COL11A1: variants seen among roughly 807,000 people sequenced by gnomAD.
COL11A1 encodes collagen type XI alpha 1 chain, also known as collagen alpha-1(XI) chain.
In COL11A1, 74 loss-of-function variants were observed where a neutral mutation model predicts 265.2. The observed-to-expected ratio is 0.28, with a 90% CI of 0.23 to 0.34. COL11A1 has a LOEUF of 0.34. COL11A1 is among the 10% of genes least tolerant of loss of function. COL11A1 has a pLI of 1.00. For synonymous variants in COL11A1, 816 were observed against 727.6 expected, an observed-to-expected ratio of 1.12 and a Z score of -1.96; for missense variants, 2,165 against 2,263.6, an observed-to-expected ratio of 0.96 and a Z score of 0.88.
intron 4 of COL11A1, among the ~76,000 whole-genome samples, chr1:103,036,905 G>T (rs2102024978): frequency 6.6e-6 from 1 of 152,094 alleles, no homozygotes; most frequent in Admixed American, 6.6e-5. Flanking sequence ...TATAGTGTTT[G>T]CCTATAGACA....
rs1558024610 is a variant in COL11A1, at chr1:103,071,837, C to CAAT, written c.651+2780_651+2781insATT. ...ACACATTAATGGATAATTAAGTTAA[C>CAAT]ATACAACCACATTTATATTACATAT... On this transcript the variant is annotated intron_variant, in intron 4 of 66. Transcript: ENST00000370096. 2.8e-5 allele frequency among the ~76,000 whole-genome samples: 4 copies of CAAT among 140,904 alleles called. No individual in the cohort carries two copies. In the East Asian group the frequency reaches 6.3e-4, roughly 22 times the overall value. 92.4% of individuals were successfully genotyped at this position (140,904 alleles called of 152,430 possible).
chr1:103,027,396 A>AAAATATATATATATAT (rs1421941501), intron 5 of COL11A1, among the ~76,000 whole-genome samples: 6 of 92,072 alleles, frequency 6.5e-5, no homozygotes, highest in South Asian at 3.8e-4. Context: ...TTAAAACTCT[A>AAAATATATATATATAT]ATATATATAT....
Position 103,000,886 on chromosome 1 carries a change from A to G in COL11A1, c.2142+1039T>C, listed in dbSNP as rs563666563. The G allele has an allele frequency of 2.1e-5, 7 of 330,336 alleles. No individual in the cohort carries two copies. In the South Asian group the frequency reaches 9.3e-4, roughly 44 times the overall value. The allele number at this position is 330,336 out of a possible 1,614,324, so 20.5% of individuals were successfully genotyped here. ...CAACTGCCAAGTAAAAGTAAACAGA[A>G]CCTGGTATACCCAATCAATGGAATA... On this transcript the variant is annotated intron_variant, in intron 24 of 66. Coordinates refer to ENST00000370096, the MANE Select transcript of COL11A1 (RefSeq NM_001854.4).
chr1:102,897,231 T>G (rs896852409), intron 57 of COL11A1, among the ~76,000 whole-genome samples: 2 of 152,070 alleles, frequency 1.3e-5, no homozygotes, highest in African/African-American at 4.8e-5. Context: ...CCAGTTGTGA[T>G]GGCTTTGTGC....
chr1:103,025,710 G>A lies in COL11A1; in HGVS notation c.898-97C>T. 7.7e-6 allele frequency: 12 copies of A among 1,563,250 alleles called. No individual in the cohort carries two copies. In the South Asian group the frequency reaches 1.2e-4, roughly 16 times the overall value. ...TTGGGTTATAGTATTAGCCAAGTGA[G>A]TATTTATCTAGTTGGGTTAAGACTA... On this transcript the variant is annotated intron_variant, in intron 6 of 66. Transcript: ENST00000370096.
chr1:103,061,418 T>G (rs1369316776), intron 4 of COL11A1, among the ~76,000 whole-genome samples: 1 of 152,038 alleles, frequency 6.6e-6, no homozygotes, highest in Non-Finnish European at 1.5e-5. Flanking sequence ...ATATATATAC[T>G]CCTATAACCA....
chr1:103,087,313 A>G (rs2102348729), intron 1 of COL11A1, among the ~76,000 whole-genome samples: 1 of 152,328 alleles, frequency 6.6e-6, no homozygotes, highest in Middle Eastern at 3.4e-3. Context: ...ATCAGAGCCC[A>G]ATGTGCTACT....
chr1:102,914,338 T>C lies in COL11A1; in HGVS notation c.3978+14A>G. 6 of 1,592,866 alleles carry C rather than the reference T, an allele frequency of 3.8e-6. No homozygotes were observed. Among genetic ancestry groups the C allele is most frequent in the African/African-American group, 1.3e-5 (1 of 74,894 alleles). On this transcript the variant is annotated intron_variant, in intron 52 of 66. Coordinates refer to ENST00000370096, the MANE Select transcript of COL11A1 (RefSeq NM_001854.4). The stretch of plus-strand genomic sequence containing the variant: ...CACTCCAAAATAATTTCTTGATTTT[T>C]CCCTGATACTTACTGCAGGGCCAGG...
Position 102,935,018 on chromosome 1 carries a change from G to C in COL11A1, c.3492+42C>G, listed in dbSNP as rs755604716. 4 of 1,589,118 alleles carry C rather than the reference G, an allele frequency of 2.5e-6. No homozygotes were observed. In the South Asian group the frequency reaches 4.4e-5, roughly 18 times the overall value. On this transcript the variant is annotated intron_variant, in intron 45 of 66. Coordinates refer to ENST00000370096, the MANE Select transcript of COL11A1 (RefSeq NM_001854.4). The stretch of plus-strand genomic sequence containing the variant: ...GACAGTATACAAATTTAATCAGGGA[G>C]CTGTAAGGATTTAGATTTGCTGAAC...
chr1:103,100,735 C>G (rs947601650), intron 1 of COL11A1: 14 of 151,924 alleles, frequency 9.2e-5, no homozygotes, highest in Non-Finnish European at 1.9e-4. Context: ...CCAGCAAAGT[C>G]AACATGGACA....
At chr1:103,084,234 T>A (rs866428700) in intron 1 of COL11A1, among the ~76,000 whole-genome samples, 1 of 152,278 alleles carries the variant, frequency 6.6e-6, no homozygotes, top group Middle Eastern at 3.4e-3. Flanking sequence ...CATTATGCAA[T>A]AACTCTTCAC....
intron 4 of COL11A1, among the ~76,000 whole-genome samples, chr1:103,061,231 G>A (rs1303275574): frequency 5.3e-5 from 8 of 152,066 alleles, no homozygotes; most frequent in Non-Finnish European, 1.0e-4. Flanking sequence ...TAATGCATAT[G>A]CACCTAACAA....
At chr1:102,929,169 G>A (rs1323856396) in intron 46 of COL11A1, among the ~76,000 whole-genome samples, 1 of 131,052 alleles carries the variant, frequency 7.6e-6, no homozygotes, top group Non-Finnish European at 1.6e-5. Context: ...CCTTGCCCAT[G>A]CCTATGTCCT....
chr1:102,962,630 A>G (rs1007275418), intron 39 of COL11A1, 23 bp downstream of exon 39: 16 of 1,611,710 alleles, frequency 9.9e-6, no homozygotes, highest in Non-Finnish European at 1.4e-5. Context: ...GGGCCAAAAA[A>G]AGTTTTCTGA....
Position 103,076,411 on chromosome 1 carries a change from A to G in COL11A1, c.489-1631T>C, listed in dbSNP as rs180865945. 3.8e-3 allele frequency among the ~76,000 whole-genome samples: 581 copies of G among 152,168 alleles called. 4 individuals carry two copies. Among genetic ancestry groups the G allele is most frequent in the African/African-American group, 0.013 (549 of 41,538 alleles). ...CTGCATTCTTAAAACTATCAAATAC[A>G]ATACTCACAGTAAAAGCTGAAGCCA... On this transcript the variant is annotated intron_variant, in intron 3 of 66. Transcript: ENST00000370096.
At chr1:102,931,449 T>A (rs1657428612) in intron 46 of COL11A1, among the ~76,000 whole-genome samples, 1 of 151,970 alleles carries the variant, frequency 6.6e-6, no homozygotes, top group South Asian at 2.1e-4. Flanking sequence ...TGCACTGTGG[T>A]CTGAGAGATA....
At chr1:103,089,727 A>C (rs1673164223) in intron 1 of COL11A1, among the ~76,000 whole-genome samples, 1 of 152,238 alleles carries the variant, frequency 6.6e-6, no homozygotes, top group South Asian at 2.1e-4. Flanking sequence ...CATTTTTCCT[A>C]CCAGTTTGAG....
At chr1:102,923,968 G>A (rs1431649869) in intron 46 of COL11A1, among the ~76,000 whole-genome samples, 1 of 151,784 alleles carries the variant, frequency 6.6e-6, no homozygotes, top group African/African-American at 2.4e-5. Flanking sequence ...CAGCACTTTG[G>A]GAGGCTGAGG....
At chr1:103,021,230 T>C (rs993980409) in intron 9 of COL11A1, among the ~76,000 whole-genome samples, 3 of 151,714 alleles carry the variant, frequency 2.0e-5, no homozygotes, top group African/African-American at 7.3e-5. Context: ...TTAGAGATTC[T>C]TCTGTAGATG....
Sources: allele counts gnomAD v4.1 joint callset (sites outside exome capture counted in the v4.1 genomes callset), GRCh38; gene constraint gnomAD v4.1.1; transcripts MANE v1.5; gene names NCBI Gene and HGNC (gene_info 2026-07-23, HGNC 2026-07-21).